OXSR1: variants seen among roughly 807,000 people sequenced by gnomAD.
The protein encoded by OXSR1 is oxidative stress responsive kinase 1.
In OXSR1, 24 loss-of-function variants were observed where a neutral mutation model predicts 79.8. The ratio of observed to expected loss-of-function variants is 0.30; its 90% confidence interval spans 0.22 to 0.42. OXSR1 has a LOEUF of 0.42. OXSR1 is among the 10% of genes least tolerant of loss of function. OXSR1 has a pLI of 1.00. For synonymous variants in OXSR1, 226 were observed against 209.2 expected, an observed-to-expected ratio of 1.08 and a Z score of -0.69; for missense variants, 430 against 618.4, an observed-to-expected ratio of 0.70 and a Z score of 3.23.
chr3:38,219,491 A>G (rs1033647907), intron 5 of OXSR1, among the ~76,000 whole-genome samples: 8 of 152,188 alleles, frequency 5.3e-5, no homozygotes, highest in African/African-American at 1.9e-4. Flanking sequence ...TAGTATTAAA[A>G]TATATTACAG....
Position 38,198,797 on chromosome 3 carries a change from T to G in OXSR1, c.368T>G (p.Ile123Ser), listed in dbSNP as rs1702111345. The change falls in exon 4 of 18, where the codon ATT (isoleucine) becomes AGT (serine). Residue 123 changes from isoleucine (I) to serine (S), a missense_variant. Physicochemically the swap from Ile to Ser is moderately radical, Grantham distance 142 (BLOSUM62 -2). Coordinates refer to ENST00000311806, the MANE Select transcript of OXSR1 (RefSeq NM_005109.3). ...HKSGVLDEST[I>S]ATILREVLEG... Reference sequence around the variant, plus strand: ...AGTGGAGTCCTAGATGAATCTACCATTGCTACGATACTCCGAGAAGTACTG... The same window carrying G: ...AGTGGAGTCCTAGATGAATCTACCAGTGCTACGATACTCCGAGAAGTACTG... 6.2e-7 allele frequency: 1 copy of G among 1,613,064 alleles called. No individual in the cohort carries two copies. Among genetic ancestry groups the G allele is most frequent in the Non-Finnish European group, 8.5e-7 (1 of 1,179,184 alleles).
chr3:38,250,175 C>T (rs531170390), intron 15 of OXSR1, 157 bp downstream of exon 15: 20 of 597,260 alleles, frequency 3.3e-5, no homozygotes, highest in Non-Finnish European at 5.4e-5. Flanking sequence ...AAATGCAGTT[C>T]GTTGACTACT....
At chr3:38,193,213 G>A in intron 3 of OXSR1, 1 of 1,205,124 alleles carries the variant, frequency 8.3e-7, no homozygotes, top group Non-Finnish European at 1.1e-6. Flanking sequence ...GTCATTAATA[G>A]TAATAAGCCC....
At chr3:38,233,452 T>C (rs1274635297) in intron 10 of OXSR1, among the ~76,000 whole-genome samples, 1 of 152,206 alleles carries the variant, frequency 6.6e-6, no homozygotes, top group Non-Finnish European at 1.5e-5. Context: ...AGTGCTTTAG[T>C]TCCTTGCTCT....
intron 1 of OXSR1, among the ~76,000 whole-genome samples, chr3:38,167,058 A>G (rs1399788713): frequency 1.3e-5 from 2 of 152,140 alleles, no homozygotes; most frequent in African/African-American, 2.4e-5. Context: ...TAGGACCTGA[A>G]GGAAGGCTGG....
intron 5 of OXSR1, among the ~76,000 whole-genome samples, 197 bp from the exon 6 acceptor site, chr3:38,221,381 G>A (rs1351304034): frequency 3.9e-5 from 6 of 152,190 alleles, no homozygotes; most frequent in Admixed American, 3.3e-4. Context: ...TGGCCTCCCA[G>A]AGTGTTGGGA....
At chr3:38,229,873 A>G in intron 9 of OXSR1, 138 bp downstream of exon 9, 1 of 696,050 alleles carries the variant, frequency 1.4e-6, no homozygotes, top group Non-Finnish European at 2.5e-6. Context: ...AGCACTATGT[A>G]TACAGTCTTT....
At chr3:38,178,210 C>A (rs1433802431) in intron 1 of OXSR1, among the ~76,000 whole-genome samples, 3 of 152,092 alleles carry the variant, frequency 2.0e-5, no homozygotes, top group Non-Finnish European at 4.4e-5. Flanking sequence ...CTCGGCCTCC[C>A]AAAGTGCTGG....
intron 2 of OXSR1, among the ~76,000 whole-genome samples, chr3:38,188,390 A>G (rs1701922528): frequency 6.6e-6 from 1 of 152,212 alleles, no homozygotes; most frequent in South Asian, 2.1e-4. Context: ...CTTAAAACTT[A>G]CAGAAGAATT....
rs530402327 is a variant in OXSR1, at chr3:38,165,999, A to G, written c.70+53A>G. 114 of 1,524,086 alleles carry G rather than the reference A, an allele frequency of 7.5e-5. No homozygotes were observed. The African/African-American group carries it at 1.5e-3, about 20-fold the overall frequency. The allele number at this position is 1,524,086 out of a possible 1,614,324, so 94.4% of individuals were successfully genotyped here. A position where few individuals can be genotyped will look rare whatever the true frequency, so the allele number is the denominator to read the frequency against. ...GGCGCGGCGCTGGGAGGCGGGGGAC[A>G]CGGGAACGTGGGGAGCCGCGGGAGC... On this transcript the variant is annotated intron_variant, in intron 1 of 17. Transcript: ENST00000311806.
In OXSR1 at chr3:38,179,149, C is replaced by T. The variant is rs553321387; in HGVS notation, c.71-3854C>T. ...AGGCTCAAGCGATCCTCCTACCTCACGCTCCCTAGTAGCTGGGACTACACA... is the reference window on the plus strand; with the variant it reads ...AGGCTCAAGCGATCCTCCTACCTCATGCTCCCTAGTAGCTGGGACTACACA... On this transcript the variant is annotated intron_variant, in intron 1 of 17. Coordinates refer to ENST00000311806, the MANE Select transcript of OXSR1 (RefSeq NM_005109.3). Among the ~76,000 whole-genome samples, 7 of 151,518 alleles carry T rather than the reference C, an allele frequency of 4.6e-5. No individual in the cohort carries two copies. In the South Asian group the frequency reaches 8.4e-4, roughly 18 times the overall value.
intron 1 of OXSR1, among the ~76,000 whole-genome samples, chr3:38,179,068 T>C (rs1054893065): frequency 6.7e-6 from 1 of 148,880 alleles, no homozygotes; most frequent in Non-Finnish European, 1.5e-5. Flanking sequence ...TCCTGCTTTG[T>C]CATCCAGGAT....
chr3:38,174,703 TTC>T (rs1476843097), intron 1 of OXSR1, among the ~76,000 whole-genome samples: 3 of 152,140 alleles, frequency 2.0e-5, no homozygotes, highest in African/African-American at 7.2e-5. Flanking sequence ...AGTGGTCAGA[TTC>T]TGGATATAGC....
intron 5 of OXSR1, among the ~76,000 whole-genome samples, chr3:38,217,488 G>T (rs1702504950): frequency 1.3e-5 from 2 of 152,026 alleles, no homozygotes; most frequent in African/African-American, 4.8e-5. Context: ...AATAAATTGT[G>T]GTTAATTATA....
At chr3:38,207,025 G>A (rs1013904769) in intron 4 of OXSR1, among the ~76,000 whole-genome samples, 11 of 152,222 alleles carry the variant, frequency 7.2e-5, no homozygotes, top group African/African-American at 2.7e-4. Context: ...ACAAGAATCA[G>A]TGAACGGTCA....
chr3:38,242,791 G>A lies in OXSR1; in HGVS notation c.1110+13G>A, dbSNP rs561369695. On this transcript the variant is annotated intron_variant, in intron 12 of 17. Coordinates refer to ENST00000311806, the MANE Select transcript of OXSR1 (RefSeq NM_005109.3). ...ATCAAATTCTGAGGTAAGTAATTGT[G>A]ATTATTGAATCCTTGTTAAAGTAAA... 2.0e-6 allele frequency: 3 copies of A among 1,475,922 alleles called. No individual in the cohort carries two copies. The South Asian group carries it at 3.5e-5, about 17-fold the overall frequency. 91.4% of individuals were successfully genotyped at this position (1,475,922 alleles called of 1,614,324 possible).
intron 15 of OXSR1, 96 bp from the exon 16 acceptor site, chr3:38,251,307 G>T: frequency 1.1e-6 from 1 of 951,974 alleles, no homozygotes; most frequent in Non-Finnish European, 1.7e-6. Flanking sequence ...ATCCAGCTTG[G>T]GCCTAGCATG....
rs180967819 is a variant in OXSR1 at position 38,208,641 on chromosome 3, G to A, written c.435-7455G>A. ...TTCTAGGCCGGGCGCAGTGGCTCAC[G>A]CCTGTAATCCCAGCACTTTGGGAGG... is the stretch of plus-strand genomic sequence containing the variant. On this transcript the variant is annotated intron_variant, in intron 4 of 17. Coordinates refer to ENST00000311806, the MANE Select transcript of OXSR1 (RefSeq NM_005109.3). 3.0e-3 allele frequency among the ~76,000 whole-genome samples: 451 copies of A among 152,272 alleles called. 1 individual carries two copies. The highest frequency in any genetic ancestry group is 0.01 in the African/African-American group (430 of 41,554).
In OXSR1 at chr3:38,254,437, G is replaced by A; in HGVS notation, c.*1546G>A. 2.6e-6 allele frequency: 1 copy of A among 389,786 alleles called. No homozygotes were observed. The highest frequency in any genetic ancestry group is 4.5e-6 in the Non-Finnish European group (1 of 220,858). The allele number at this position is 389,786 out of a possible 1,614,324, so 24.1% of individuals were successfully genotyped here. ...AGATGGATGTTGGGGAGGAAGAGAG[G>A]AGATGGATTTCAGTTGGGAGTTAGG... On this transcript the variant is annotated 3_prime_UTR_variant, in exon 18 of 18. Coordinates refer to ENST00000311806, the MANE Select transcript of OXSR1 (RefSeq NM_005109.3).
Sources: gnomAD v4.1 joint callset for allele counts (sites outside exome capture counted in the v4.1 genomes callset) on GRCh38, gnomAD v4.1.1 for gene constraint, MANE v1.5 for transcripts, NCBI Gene and HGNC (gene_info 2026-07-23, HGNC 2026-07-21) for gene names.